Variants in CLASP1 observed in about 807,000 individuals in gnomAD.
The protein encoded by CLASP1 is CLIP-associating protein 1.
A neutral mutation model predicts 192.3 loss-of-function variants in CLASP1; 38 were observed. That is an observed-to-expected ratio of 0.20 (90% CI 0.15 to 0.26). The LOEUF (loss-of-function observed/expected upper bound fraction) is 0.26, where lower values mean the gene tolerates loss of function less well. CLASP1 is among the 10% of genes least tolerant of loss of function. CLASP1 has a pLI of 1.00. For synonymous variants in CLASP1, 691 were observed against 712.8 expected (o/e 0.97, Z 0.49); for missense variants, 1,433 against 1,932.5 (o/e 0.74, Z 4.85).
chr2:121,578,107 A>AT (rs2060716474), intron 2 of CLASP1, among the ~76,000 whole-genome samples: 1 of 151,926 alleles, frequency 6.6e-6, no homozygotes, highest in Admixed American at 6.6e-5. Flanking sequence ...TAATTTTTAA[A>AT]TTTTTTATAG....
chr2:121,478,661 C>CA (rs1559365259), intron 8 of CLASP1, among the ~76,000 whole-genome samples: 12 of 71,248 alleles, frequency 1.7e-4, no homozygotes, highest in African/African-American at 1.1e-3. Flanking sequence ...CACACACACA[C>CA]CCCCCACACA....
chr2:121,630,435 A>G (rs1277502630), intron 1 of CLASP1, among the ~76,000 whole-genome samples: 2 of 148,704 alleles, frequency 1.3e-5, no homozygotes, highest in East Asian at 3.9e-4. Context: ...CGCAGAAGCA[A>G]TTATTCAGTA....
At chr2:121,403,670 T>C (rs1290166389) in intron 26 of CLASP1, 2 of 447,310 alleles carry the variant, frequency 4.5e-6, no homozygotes, top group East Asian at 7.0e-5. Flanking sequence ...ATTTAAAATC[T>C]AGACTCCAAG....
intron 7 of CLASP1, among the ~76,000 whole-genome samples, chr2:121,508,095 A>G (rs916975840): frequency 6.6e-6 from 1 of 152,288 alleles, no homozygotes; most frequent in South Asian, 2.1e-4. Flanking sequence ...TATAAAATAT[A>G]GTATAAAAGT....
chr2:121,410,771 C>T (rs952393107), intron 24 of CLASP1, 95 bp downstream of exon 25: 1 of 651,348 alleles, frequency 1.5e-6, no homozygotes, highest in Non-Finnish European at 2.6e-6. Context: ...AAGATGAATT[C>T]ATAACCTGAT....
At chr2:121,478,753 ACACACACAC>A (rs2092069206) in intron 8 of CLASP1, among the ~76,000 whole-genome samples, 1 of 37,062 alleles carries the variant, frequency 2.7e-5, no homozygotes, top group Non-Finnish European at 4.7e-5. Flanking sequence ...CACACACACC[ACACACACAC>A]CACACACCCC....
chr2:121,587,565 C>G (rs2061864954), intron 2 of CLASP1, among the ~76,000 whole-genome samples: 1 of 152,262 alleles, frequency 6.6e-6, no homozygotes, highest in Non-Finnish European at 1.5e-5. Flanking sequence ...CGAGGTGGCT[C>G]ACGCCTGTAA....
intron 32 of CLASP1, among the ~76,000 whole-genome samples, chr2:121,382,675 C>A (rs72967324): frequency 6.6e-6 from 1 of 152,138 alleles, no homozygotes; most frequent in African/African-American, 2.4e-5. Context: ...TAACACAATA[C>A]ACAAGAAAAT....
chr2:121,555,335 G>A (rs1437575897), intron 2 of CLASP1, among the ~76,000 whole-genome samples: 1 of 152,160 alleles, frequency 6.6e-6, no homozygotes, highest in Non-Finnish European at 1.5e-5. Context: ...TGAGACAGAA[G>A]TTGTGTTTCC....
intron 23 of CLASP1, among the ~76,000 whole-genome samples, chr2:121,415,902 C>T (rs928202897): frequency 6.6e-6 from 1 of 152,046 alleles, no homozygotes; most frequent in African/African-American, 2.4e-5. Context: ...CAAAGATTAC[C>T]TGGCAATTTT....
At chr2:121,648,641 G>A (rs185912967) in intron 1 of CLASP1, among the ~76,000 whole-genome samples, 2 of 152,280 alleles carry the variant, frequency 1.3e-5, no homozygotes, top group East Asian at 1.9e-4. Context: ...TACCTAGCCA[G>A]GCTAACGTGC....
chr2:121,549,759 A>G (rs535971870), intron 2 of CLASP1, among the ~76,000 whole-genome samples: 5 of 150,844 alleles, frequency 3.3e-5, no homozygotes, highest in Admixed American at 6.6e-5. Flanking sequence ...TAATCCCAGC[A>G]CTGTGGGAGG....
chr2:121,584,198 C>G (rs1001667974), intron 2 of CLASP1, among the ~76,000 whole-genome samples: 2 of 152,182 alleles, frequency 1.3e-5, no homozygotes, highest in Admixed American at 1.3e-4. Context: ...ATCTTCCCAC[C>G]TCGGCCTCCC....
intron 6 of CLASP1, among the ~76,000 whole-genome samples, chr2:121,523,249 C>T (rs372297124): frequency 1.3e-5 from 2 of 152,310 alleles, no homozygotes; most frequent in South Asian, 4.1e-4. Flanking sequence ...GTTAAAGACT[C>T]GACATTATCT....
intron 37 of CLASP1, among the ~76,000 whole-genome samples, chr2:121,351,763 C>A (rs894429690): frequency 1.3e-5 from 2 of 152,214 alleles, no homozygotes; most frequent in African/African-American, 4.8e-5. Context: ...AGGGTAAGTA[C>A]TGTGTACAGG....
At chr2:121,569,248 A>G in intron 2 of CLASP1, among the ~76,000 whole-genome samples, 1 of 152,198 alleles carries the variant, frequency 6.6e-6, no homozygotes, top group East Asian at 1.9e-4. Context: ...ACGTCACAGA[A>G]GGTTTCTAAA....
chr2:121,493,058 T>C (rs1440311800), intron 8 of CLASP1, among the ~76,000 whole-genome samples: 1 of 152,218 alleles, frequency 6.6e-6, no homozygotes, highest in Non-Finnish European at 1.5e-5. Flanking sequence ...AGAGCATTAC[T>C]GTCCATACTA....
intron 2 of CLASP1, among the ~76,000 whole-genome samples, chr2:121,573,710 C>A (rs1438650229): frequency 6.6e-6 from 1 of 152,096 alleles, no homozygotes; most frequent in African/African-American, 2.4e-5. Context: ...TGATTTGATA[C>A]CATAGTTTGG....
intron 6 of CLASP1, among the ~76,000 whole-genome samples, chr2:121,524,124 A>G (rs1490381839): frequency 6.6e-6 from 1 of 152,206 alleles, no homozygotes; most frequent in African/African-American, 2.4e-5. Flanking sequence ...AGATCTCCAC[A>G]GGCAGTGTGA....
Sources: gnomAD v4.1 joint callset for allele counts (sites outside exome capture counted in the v4.1 genomes callset) on GRCh38, gnomAD v4.1.1 for gene constraint, MANE v1.5 for transcripts, NCBI Gene and HGNC (gene_info 2026-07-23, HGNC 2026-07-21) for gene names.